The following ZBTB48 variants were observed in gnomAD, a reference collection of about 807,000 sequenced individuals.
ZBTB48 encodes the protein zinc finger and BTB domain containing 48.
In ZBTB48, 35 loss-of-function variants were observed where a neutral mutation model predicts 64.5. The observed-to-expected ratio is 0.54, with a 90% confidence interval of 0.41 to 0.72. ZBTB48 has a LOEUF of 0.72. ZBTB48 is among the 30% of genes least tolerant of loss of function. ZBTB48 has a pLI of 0.00. For missense variants in ZBTB48, 828 were observed against 895.3 expected (o/e 0.92, Z 0.96); for synonymous variants, 442 against 356.7 (o/e 1.24, Z -2.70).
At chr1:6,581,498 C>T (rs1640461306) in intron 2 of ZBTB48, among the ~76,000 whole-genome samples, 199 bp downstream of exon 2, 1 of 151,810 alleles carries the variant, frequency 6.6e-6, no homozygotes, top group African/African-American at 2.4e-5. Flanking sequence ...CTCATTTGTA[C>T]AAAGACTATA....
Position 6,582,107 on chromosome 1 carries a change from C to G in ZBTB48, c.740C>G (p.Ser247Cys), listed in dbSNP as rs375482895. Residue 247 changes from serine (S) to cysteine (C), a missense_variant, in exon 3 of 11, where the codon TCT (serine) becomes TGT (cysteine). Physicochemically the swap from Ser to Cys is moderately radical, Grantham distance 112 (BLOSUM62 -1). Coordinates refer to ENST00000377674, the MANE Select transcript of ZBTB48 (RefSeq NM_005341.4). ...GATGATGGGGATGGCGATTACATGT[C>G]TGAGCCTGAGGCTGTGCTGACCAGG... is the stretch of plus-strand genomic sequence containing the variant. Reference protein sequence around the residue: ...VEDDGDGDYMSEPEAVLTRRK... With the variant: ...VEDDGDGDYMCEPEAVLTRRK... 3.7e-6 allele frequency: 6 copies of G among 1,614,080 alleles called. No homozygotes were observed. The African/African-American group carries it at 6.7e-5, about 18-fold the overall frequency.
rs1380527003 is a variant in ZBTB48, at chr1:6,584,608, C to T, written c.933-1311C>T. ...TGCTGCCAGTGGAATGCTGGGATAACCCCAGTGTCGGGGGTCCTGGGGCAG... is the reference window on the plus strand; with the variant it reads ...TGCTGCCAGTGGAATGCTGGGATAATCCCAGTGTCGGGGGTCCTGGGGCAG... On this transcript the variant is annotated intron_variant, in intron 3 of 10. Coordinates refer to ENST00000377674, the MANE Select transcript of ZBTB48 (RefSeq NM_005341.4). This position sits in a 1 kb window ranked among gnomAD's most constrained non-coding sequence, Gnocchi z 4.5. Among the ~76,000 whole-genome samples the T allele has an allele frequency of 1.3e-5, 2 of 152,238 alleles. No homozygotes were observed. The highest frequency in any genetic ancestry group is 4.8e-5 in the African/African-American group (2 of 41,460).
intron 3 of ZBTB48, among the ~76,000 whole-genome samples, chr1:6,583,903 C>T (rs1160443334): frequency 4.6e-5 from 7 of 151,708 alleles, no homozygotes; most frequent in African/African-American, 1.7e-4. Context: ...CCTCAGCCTC[C>T]TGAGTAGCTG....
chr1:6,584,022 T>C lies in ZBTB48; in HGVS notation c.932+1723T>C, dbSNP rs1640571478. On this transcript the variant is annotated intron_variant, in intron 3 of 10. Transcript: ENST00000377674. This position sits in a 1 kb window ranked among gnomAD's most constrained non-coding sequence, Gnocchi z 4.5. ...TGGTTTCGAACTCCTGACCTTGTGA[T>C]CCACCTGCCTCAGCCTCCCAAAGTG... Among the ~76,000 whole-genome samples the C allele has an allele frequency of 6.6e-6, 1 of 152,096 alleles. No individual in the cohort carries two copies. Among genetic ancestry groups the C allele is most frequent in the Non-Finnish European group, 1.5e-5 (1 of 68,022 alleles).
chr1:6,580,630 GCA>G lies in ZBTB48; in HGVS notation c.24_25del (p.His8GlnfsTer30). On this transcript the variant is annotated frameshift_variant, in exon 2 of 11. Transcript: ENST00000377674. LOFTEE classifies it high-confidence loss of function. The surrounding 1 kb of genome is among the most constrained non-coding windows in gnomAD (Gnocchi z 5.2). MDGSFVQ[H>X]SVRVLQELNK... ...AGACCATGGACGGCTCCTTCGTCCA[GCA>G]CAGTGTGAGGGTTCTGCAGGAGCTC... 1 of 1,613,682 alleles carries G rather than the reference GCA, an allele frequency of 6.2e-7. No homozygotes were observed. The highest frequency in any genetic ancestry group is 8.5e-7 in the Non-Finnish European group (1 of 1,179,878).
At chr1:6,587,396 T>C (rs1415645974) in intron 6 of ZBTB48, 82 bp from the exon 7 acceptor site, 1 of 1,606,216 alleles carries the variant, frequency 6.2e-7, no homozygotes, top group Non-Finnish European at 8.5e-7. Context: ...TTCGGGGGGG[T>C]GCTTGTGGGT....
At position 6,581,617 on chromosome 1, in the gene ZBTB48, T is replaced by C. The variant is rs180801407; in HGVS notation, c.690+318T>C. The stretch of plus-strand genomic sequence containing the variant: ...AAGTGGAGGTTGCAGTGAGCTGAGA[T>C]GGTGCCACTACCCTCCAGCCTAGGC... On this transcript the variant is annotated intron_variant, in intron 2 of 10. Transcript: ENST00000377674. Among the ~76,000 whole-genome samples the C allele has an allele frequency of 1.7e-4, 26 of 150,422 alleles. No individual in the cohort carries two copies. In the East Asian group the frequency reaches 4.5e-3, roughly 26 times the overall value.
rs2148683427 is a variant in ZBTB48, at chr1:6,581,167, C to T, written c.558C>T (p.Pro186=). 6.2e-7 allele frequency: 1 copy of T among 1,613,498 alleles called. No individual in the cohort carries two copies. Among genetic ancestry groups the T allele is most frequent in the Non-Finnish European group, 8.5e-7 (1 of 1,180,018 alleles). Residue 186 remains proline (P), a synonymous_variant, in exon 2 of 11, where the codon CCC becomes CCT. Transcript: ENST00000377674. ...QLHSPAQSEG[P]SSLCGKLKQA... ...ATTCCCCAGCTCAGAGTGAGGGCCC[C>T]TCCTCCCTCTGTGGGAAACTGAAGC...
Position 6,588,044 on chromosome 1 carries a change from G to T in ZBTB48, c.1380-16G>T, listed in dbSNP as rs999422354. ...CCCTTGGTGATGGCCTCTGCCCCAT[G>T]TCCCCACCTTAACAGGAATGAGAGG... On this transcript the variant is annotated splice_polypyrimidine_tract_variant and intron_variant, in intron 7 of 10. Coordinates refer to ENST00000377674, the MANE Select transcript of ZBTB48 (RefSeq NM_005341.4). The T allele has an allele frequency of 2.5e-6, 4 of 1,613,706 alleles. No homozygotes were observed. The highest frequency in any genetic ancestry group is 3.3e-5 in the Admixed American group (2 of 59,968).
rs753103276 is a variant in ZBTB48, at chr1:6,588,144, G to A, written c.1464G>A (p.Thr488=). The change falls in exon 8 of 11, where the codon ACG becomes ACA. Residue 488 remains threonine, a synonymous_variant. Transcript: ENST00000377674. Reference sequence around the variant, plus strand: ...TCAACATGCACCTGCGCACACACACGGGTGAGAAGCCCTTCCAGTGCCACC... The same window carrying A: ...TCAACATGCACCTGCGCACACACACAGGTGAGAAGCCCTTCCAGTGCCACC... ...ANLNMHLRTH[T]GEKPFQCHLC... 15 of 1,613,998 alleles carry A rather than the reference G, an allele frequency of 9.3e-6. No homozygotes were observed. Among genetic ancestry groups the A allele is most frequent in the African/African-American group, 2.7e-5 (2 of 74,932 alleles).
In ZBTB48 at chr1:6,580,245, C is replaced by G. The variant is rs2148681579; in HGVS notation, c.-70+109C>G. On this transcript the variant is annotated intron_variant, in intron 1 of 10. Coordinates refer to ENST00000377674, the MANE Select transcript of ZBTB48 (RefSeq NM_005341.4). The surrounding 1 kb of genome is among the most constrained non-coding windows in gnomAD (Gnocchi z 5.2). Reference sequence around the variant, plus strand: ...CGGCGTGGGCTTCGCTCACCTGTCCCCGGCTGCCGCCCTCCGCCGTCCGGG... The same window carrying G: ...CGGCGTGGGCTTCGCTCACCTGTCCGCGGCTGCCGCCCTCCGCCGTCCGGG... The G allele has an allele frequency of 4.4e-6, 1 of 228,110 alleles. No homozygotes were observed. The allele number at this position is 228,110 out of a possible 1,614,324, so 14.1% of individuals were successfully genotyped here.
Position 6,589,239 on chromosome 1 carries a change from G to C in ZBTB48, c.*27G>C. 6.7e-7 allele frequency: 1 copy of C among 1,490,612 alleles called. No homozygotes were observed. The highest frequency in any genetic ancestry group is 8.9e-7 in the Non-Finnish European group (1 of 1,126,130). 92.3% of individuals were successfully genotyped at this position (1,490,612 alleles called of 1,614,324 possible). A position where few individuals can be genotyped will look rare whatever the true frequency, so the allele number is the denominator to read the frequency against. On this transcript the variant is annotated 3_prime_UTR_variant, in exon 11 of 11. Transcript: ENST00000377674. ...CCATTCTGGCCACCAGAGCCCACTT[G>C]GCCCCACCCCTCAATAAACCGTGTG...
At chr1:6,586,093 A>G in intron 4 of ZBTB48, 63 bp downstream of exon 4, 1 of 1,535,920 alleles carries the variant, frequency 6.5e-7, no homozygotes, top group South Asian at 1.1e-5. Flanking sequence ...TCTTCGTGCC[A>G]TCCGGGAAGG....
chr1:6,585,996 A>G lies in ZBTB48; in HGVS notation c.1010A>G (p.His337Arg). Residue 337 changes from histidine to arginine, a missense_variant, in exon 4 of 11, where the codon CAT becomes CGT. By Grantham distance (29) the His-to-Arg change is conservative. Coordinates refer to ENST00000377674, the MANE Select transcript of ZBTB48 (RefSeq NM_005341.4). ...CYFRKENLLEHEARNCMNRSE... is the reference protein window; with the variant it reads ...CYFRKENLLEREARNCMNRSE... ...TTTCGGAAGGAGAACCTCCTGGAGC[A>G]TGAAGCCCGGAATTGCATGAACCGC... The G allele has an allele frequency of 6.2e-7, 1 of 1,614,160 alleles. No homozygotes were observed. Among genetic ancestry groups the G allele is most frequent in the Non-Finnish European group, 8.5e-7 (1 of 1,179,992 alleles).
chr1:6,587,583 C>T lies in ZBTB48; in HGVS notation c.1330C>T (p.Arg444Trp), dbSNP rs143545556. 39 of 1,613,678 alleles carry T rather than the reference C, an allele frequency of 2.4e-5. No individual in the cohort carries two copies. Among genetic ancestry groups the T allele is most frequent in the Non-Finnish European group, 3.1e-5 (37 of 1,180,044 alleles). The change falls in exon 7 of 11, where the codon CGG becomes TGG. Residue 444 changes from arginine to tryptophan, a missense_variant. By Grantham distance (101) the Arg-to-Trp change is moderately radical. Transcript: ENST00000377674. ...GTTTGTGTGTGAGGAGTGTGGGCAC[C>T]GGGCCTCGAGCCGGAATGGCCTGCA... ...KLFVCEECGH[R>W]ASSRNGLQMH...
chr1:6,586,322 G>C (rs1325951272), intron 4 of ZBTB48: 5 of 508,620 alleles, frequency 9.8e-6, no homozygotes, highest in African/African-American at 1.9e-5. Context: ...CGCTACAGGG[G>C]ATGGCAGCTG....
At position 6,585,987 on chromosome 1, in the gene ZBTB48, T is replaced by C; in HGVS notation, c.1001T>C (p.Leu334Pro). The C allele has an allele frequency of 6.2e-7, 1 of 1,614,126 alleles. No homozygotes were observed. Among genetic ancestry groups the C allele is most frequent in the Non-Finnish European group, 8.5e-7 (1 of 1,179,982 alleles). The change falls in exon 4 of 11, where the codon CTC becomes CCC. Residue 334 changes from leucine (L) to proline (P), a missense_variant. Leu to Pro is a moderately conservative substitution (Grantham distance 98). Coordinates refer to ENST00000377674, the MANE Select transcript of ZBTB48 (RefSeq NM_005341.4). Reference sequence around the variant, plus strand: ...AAGTGTTACTTTCGGAAGGAGAACCTCCTGGAGCATGAAGCCCGGAATTGC... The same window carrying C: ...AAGTGTTACTTTCGGAAGGAGAACCCCCTGGAGCATGAAGCCCGGAATTGC... ...CGKCYFRKEN[L>P]LEHEARNCMN...
intron 3 of ZBTB48, 24 bp from the exon 4 acceptor site, chr1:6,585,895 C>CG: frequency 6.2e-7 from 1 of 1,611,370 alleles, no homozygotes; most frequent in African/African-American, 1.3e-5. Context: ...TCAGCCCCCC[C>CG]ACCCCTGTGG....
At chr1:6,586,508 TGCGGTGG>T in intron 4 of ZBTB48, 180 bp from the exon 5 acceptor site, 2 of 1,251,796 alleles carry the variant, frequency 1.6e-6, no homozygotes, top group Non-Finnish European at 1.1e-6. Context: ...GGGCCTGGTG[TGCGGTGG>T]GCTTGCAGCA....
Sources: allele counts gnomAD v4.1 joint callset (sites outside exome capture counted in the v4.1 genomes callset), GRCh38; gene constraint gnomAD v4.1.1; non-coding constraint Gnocchi (gnomAD v3.1); transcripts MANE v1.5; gene names NCBI Gene and HGNC (gene_info 2026-07-23, HGNC 2026-07-21).